Variants in SPRED2 observed in about 807,000 individuals in gnomAD.
SPRED2 encodes sprouty-related, EVH1 domain-containing protein 2.
A neutral mutation model predicts 43.0 loss-of-function variants in SPRED2; 47 were observed. That is an observed-to-expected ratio of 1.09 (90% CI 0.87 to 1.40). SPRED2 has a LOEUF of 1.40. Ranked by LOEUF, SPRED2 falls within the 40% of genes most tolerant of loss-of-function variation. SPRED2 has a pLI of 0.00. For missense variants in SPRED2, 561 were observed against 586.4 expected (o/e 0.96, Z 0.45); for synonymous variants, 225 against 225.7 (o/e 1.00, Z 0.03).
At chr2:65,383,636 A>G (rs1675427382) in intron 1 of SPRED2, among the ~76,000 whole-genome samples, 2 of 152,136 alleles carry the variant, frequency 1.3e-5, no homozygotes, top group African/African-American at 4.8e-5. Flanking sequence ...GTTTGGCCCT[A>G]CTTGCTGTGG....
downstream of SPRED2, among the ~76,000 whole-genome samples, chr2:65,309,752 C>G (rs538237618): frequency 6.6e-6 from 1 of 152,130 alleles, no homozygotes; most frequent in African/African-American, 2.4e-5. Context: ...TGCCCAGTTC[C>G]GGCCTAGCAC....
intron 1 of SPRED2, among the ~76,000 whole-genome samples, chr2:65,347,115 C>T (rs561918603): frequency 3.3e-4 from 51 of 152,260 alleles, no homozygotes; most frequent in African/African-American, 1.1e-3. Flanking sequence ...GTTTGCAGCT[C>T]TCTCCCTCCA....
chr2:65,377,479 C>A, intron 1 of SPRED2: 2 of 430,624 alleles, frequency 4.6e-6, no homozygotes, highest in Non-Finnish European at 4.9e-6. Flanking sequence ...CCCCCCAAAG[C>A]CTCATCACCC....
chr2:65,319,511 A>G (rs149789697), intron 4 of SPRED2, among the ~76,000 whole-genome samples: 64 of 152,306 alleles, frequency 4.2e-4, no homozygotes, highest in African/African-American at 1.4e-3. Context: ...GGATGTCCCA[A>G]TGATGACACC....
intron 1 of SPRED2, among the ~76,000 whole-genome samples, chr2:65,420,701 T>G (rs1371516165): frequency 6.6e-6 from 1 of 152,206 alleles, no homozygotes; most frequent in Non-Finnish European, 1.5e-5. Context: ...TCATTTCATT[T>G]AAGTGCAATT....
intron 3 of SPRED2, chr2:65,332,281 T>C (rs1673835941): frequency 2.6e-6 from 1 of 382,856 alleles, no homozygotes; most frequent in Non-Finnish European, 4.9e-6. Context: ...AATTAATCTC[T>C]CAAACTTCTG....
At chr2:65,351,853 C>CT in intron 1 of SPRED2, among the ~76,000 whole-genome samples, 1 of 152,278 alleles carries the variant, frequency 6.6e-6, no homozygotes, top group East Asian at 1.9e-4. Flanking sequence ...GGGTGTTCGT[C>CT]TTAAGTATCA....
intron 1 of SPRED2, among the ~76,000 whole-genome samples, chr2:65,383,840 G>A (rs568924359): frequency 6.6e-6 from 1 of 152,334 alleles, no homozygotes; most frequent in South Asian, 2.1e-4. Flanking sequence ...AAATAGGCAA[G>A]TTATAAAAAC....
At chr2:65,315,365 G>A (rs1385253085) in intron 5 of SPRED2, among the ~76,000 whole-genome samples, 1 of 152,154 alleles carries the variant, frequency 6.6e-6, no homozygotes, top group Non-Finnish European at 1.5e-5. Context: ...TTGCTCACAG[G>A]ATGCACTTGA....
At chr2:65,352,648 A>C (rs1205764212) in intron 1 of SPRED2, among the ~76,000 whole-genome samples, 1 of 152,160 alleles carries the variant, frequency 6.6e-6, no homozygotes, top group Non-Finnish European at 1.5e-5. Context: ...TTTGAGACGG[A>C]GTTTCACCCT....
chr2:65,409,435 CT>C (rs377286533), intron 1 of SPRED2, among the ~76,000 whole-genome samples: 2 of 152,110 alleles, frequency 1.3e-5, no homozygotes, highest in Non-Finnish European at 2.9e-5. Context: ...TTTCTATTTA[CT>C]TTTTTAACAC....
intron 1 of SPRED2, among the ~76,000 whole-genome samples, chr2:65,412,345 C>T (rs927915225): frequency 4.6e-5 from 7 of 152,102 alleles, no homozygotes; most frequent in Admixed American, 4.6e-4. Flanking sequence ...GAGTAGGTGG[C>T]CTAGGACCAG....
Position 65,344,911 on chromosome 2 carries a change from A to T in SPRED2, c.27-15T>A, listed in dbSNP as rs1349622366. On this transcript the variant is annotated splice_polypyrimidine_tract_variant and intron_variant, in intron 1 of 5. Coordinates refer to ENST00000356388, the MANE Select transcript of SPRED2 (RefSeq NM_181784.3). ...TATAGCTGTCACTAAAACGACAAGAAGAAGAAGCACAGGGCATGACAATGG... is the reference window on the plus strand; with the variant it reads ...TATAGCTGTCACTAAAACGACAAGATGAAGAAGCACAGGGCATGACAATGG... 6.2e-7 allele frequency: 1 copy of T among 1,610,148 alleles called. No homozygotes were observed. Among genetic ancestry groups the T allele is most frequent in the Non-Finnish European group, 8.5e-7 (1 of 1,177,034 alleles).
chr2:65,360,100 CAA>C (rs57801875), intron 1 of SPRED2, among the ~76,000 whole-genome samples: 34 of 103,228 alleles, frequency 3.3e-4, no homozygotes, highest in South Asian at 1.5e-3. Context: ...AAAAAAAAAA[CAA>C]AAAAAAAAAA....
chr2:65,307,502 A>G (rs920143168), downstream of SPRED2, among the ~76,000 whole-genome samples: 1 of 150,878 alleles, frequency 6.6e-6, no homozygotes, highest in African/African-American at 2.4e-5. Context: ...GGCCTGTATG[A>G]CATTTTAATA....
At chr2:65,334,822 G>A (rs1159756965) in intron 2 of SPRED2, 49 bp from the exon 3 acceptor site, 1 of 1,594,760 alleles carries the variant, frequency 6.3e-7, no homozygotes, top group Non-Finnish European at 8.6e-7. Flanking sequence ...CAGCCATGAT[G>A]ATGTCTGGTT....
At chr2:65,392,372 C>A (rs1675660123) in intron 1 of SPRED2, among the ~76,000 whole-genome samples, 1 of 151,742 alleles carries the variant, frequency 6.6e-6, no homozygotes, top group Non-Finnish European at 1.5e-5. Flanking sequence ...GACAGGGTAT[C>A]ATTATGTTGC....
intron 1 of SPRED2, among the ~76,000 whole-genome samples, chr2:65,362,333 G>T (rs1027127926): frequency 6.6e-6 from 1 of 151,932 alleles, no homozygotes; most frequent in Admixed American, 6.5e-5. Flanking sequence ...GCAGTGGCGC[G>T]ATCTGGGCTC....
intron 1 of SPRED2, among the ~76,000 whole-genome samples, chr2:65,365,279 T>G (rs1323290504): frequency 1.3e-5 from 2 of 152,202 alleles, no homozygotes; most frequent in South Asian, 2.1e-4. Context: ...AATTTAGAGA[T>G]GGTCTTGTCT....
Sources: gnomAD v4.1 joint callset for allele counts (sites outside exome capture counted in the v4.1 genomes callset) on GRCh38, gnomAD v4.1.1 for gene constraint, MANE v1.5 for transcripts, NCBI Gene and HGNC (gene_info 2026-07-23, HGNC 2026-07-21) for gene names.